Variants in THADA observed in about 807,000 individuals in gnomAD.
The protein encoded by THADA is tRNA (32-2'-O)-methyltransferase regulator THADA.
Under a neutral mutation model 219.8 loss-of-function variants are expected in THADA, and 213 were observed. That is an observed-to-expected ratio of 0.97 (90% CI 0.87 to 1.09). The LOEUF is 1.09. Among genes scored for constraint, THADA ranks in the 50% least tolerant of loss-of-function variants. The pLI is 0.00. For missense variants in THADA, 2,956 were observed against 2,311.3 expected (o/e 1.28, Z -5.72); for synonymous variants, 1,018 against 828.9 (o/e 1.23, Z -3.92).
chr2:43,390,953 A>G lies in THADA; in HGVS notation c.4227+7018T>C, dbSNP rs151197021. ...CTCATCCAGAGAAGCAGTATACTAC[A>G]GTGGCTAACTGCACAAGCTCAAAAG... is the stretch of plus-strand genomic sequence containing the variant. On this transcript the variant is annotated intron_variant, in intron 29 of 37. Coordinates refer to ENST00000405975, the MANE Select transcript of THADA (RefSeq NM_022065.5). 4.1e-3 allele frequency among the ~76,000 whole-genome samples: 629 copies of G among 152,350 alleles called. 6 individuals carry two copies. The highest frequency in any genetic ancestry group is 6.7e-3 in the Non-Finnish European group (453 of 68,034).
At chr2:43,592,078 T>G (rs770641783) in intron 2 of THADA, 32 bp from the exon 3 acceptor site, 46 of 1,490,250 alleles carry the variant, frequency 3.1e-5, no homozygotes, top group African/African-American at 1.4e-5. Flanking sequence ...AAATTTTCAA[T>G]GATTTAACAG....
At chr2:43,533,424 A>G (rs535031208) in intron 21 of THADA, among the ~76,000 whole-genome samples, 5 of 152,108 alleles carry the variant, frequency 3.3e-5, no homozygotes, top group Non-Finnish European at 7.4e-5. Context: ...ATTCTACTAT[A>G]AAGACACATG....
chr2:43,431,318 A>T (rs1326339729), intron 26 of THADA, among the ~76,000 whole-genome samples: 3 of 152,078 alleles, frequency 2.0e-5, no homozygotes, highest in African/African-American at 7.2e-5. Context: ...CCCTATCAAG[A>T]CTCAGAAAAT....
intron 35 of THADA, among the ~76,000 whole-genome samples, chr2:43,285,516 A>T (rs1572911512): frequency 6.6e-6 from 1 of 151,374 alleles, no homozygotes; most frequent in African/African-American, 2.4e-5. Flanking sequence ...AGACTATGGA[A>T]CTGTGAGTCA....
intron 29 of THADA, among the ~76,000 whole-genome samples, chr2:43,351,523 CTGT>C (rs1390239596): frequency 6.6e-6 from 1 of 152,228 alleles, no homozygotes. Flanking sequence ...CTAAAACTCA[CTGT>C]TTTTCTCTTC....
chr2:43,308,767 A>C lies in THADA; in HGVS notation c.4438+11679T>G, dbSNP rs1238620861. Among the ~76,000 whole-genome samples the C allele has an allele frequency of 8.7e-5, 13 of 149,432 alleles. No homozygotes were observed. The South Asian group carries it at 1.3e-3, about 15-fold the overall frequency. On this transcript the variant is annotated intron_variant, in intron 31 of 37. Transcript: ENST00000405975. ...CATTGGATACCCATACCAAAAAAAA[A>C]AAAAAAAAAAAAAAAAAGAATGCCA...
chr2:43,424,924 C>T (rs901933935), intron 28 of THADA, among the ~76,000 whole-genome samples: 1 of 152,158 alleles, frequency 6.6e-6, no homozygotes, highest in Admixed American at 6.5e-5. Flanking sequence ...AGGAACAGAT[C>T]CCACCATTGG....
chr2:43,286,281 C>T (rs1028784722), intron 35 of THADA, among the ~76,000 whole-genome samples: 1 of 152,106 alleles, frequency 6.6e-6, no homozygotes, highest in Non-Finnish European at 1.5e-5. Context: ...AAAGGAAGGG[C>T]CTTATGAGCC....
At chr2:43,558,228 T>C (rs1457502238) in intron 16 of THADA, among the ~76,000 whole-genome samples, 3 of 152,062 alleles carry the variant, frequency 2.0e-5, no homozygotes, top group Non-Finnish European at 4.4e-5. Flanking sequence ...ATGAGAAAAA[T>C]ATGCCGTCAA....
intron 27 of THADA, 140 bp downstream of exon 27, chr2:43,430,073 C>G: frequency 2.1e-6 from 1 of 467,400 alleles, no homozygotes; most frequent in Non-Finnish European, 3.7e-6. Flanking sequence ...CAGGGAAAGA[C>G]CCTGTCTCAA....
intron 17 of THADA, 89 bp from the exon 18 acceptor site, chr2:43,552,428 C>A: frequency 7.4e-7 from 1 of 1,358,954 alleles, no homozygotes; most frequent in Non-Finnish European, 9.9e-7. Flanking sequence ...ATTAATATGG[C>A]CAACTCAAAT....
chr2:43,273,177 A>T (rs1672322872), intron 36 of THADA, among the ~76,000 whole-genome samples: 1 of 151,400 alleles, frequency 6.6e-6, no homozygotes, highest in South Asian at 2.1e-4. Context: ...TGAACCCGGG[A>T]GGCGGAGGTT....
chr2:43,309,136 A>C (rs1435602743), intron 31 of THADA, among the ~76,000 whole-genome samples: 2 of 152,252 alleles, frequency 1.3e-5, no homozygotes, highest in African/African-American at 4.8e-5. Flanking sequence ...ACTCGAATTT[A>C]AAAAGCAATG....
Position 43,552,269 on chromosome 2 carries a change from T to G in THADA, c.2745A>C (p.Ala915=), listed in dbSNP as rs1001158370. The stretch of plus-strand genomic sequence containing the variant: ...CTCGCCCATACATTGGAAATGCTGC[T>G]GCTGCCTGAAGCAGAGAATTTTCAG... ...SQAENSLLQA[A]AAFPMYGRVH... Residue 915 remains alanine (A), a synonymous_variant, in exon 18 of 38, where the codon GCA becomes GCC. Transcript: ENST00000405975. 1.6e-5 allele frequency: 26 copies of G among 1,611,752 alleles called. No homozygotes were observed. The highest frequency in any genetic ancestry group is 2.1e-5 in the Non-Finnish European group (25 of 1,179,314).
chr2:43,418,224 G>C (rs1677249488), intron 28 of THADA, among the ~76,000 whole-genome samples: 1 of 152,108 alleles, frequency 6.6e-6, no homozygotes, highest in Admixed American at 6.5e-5. Flanking sequence ...TACTCTCTCT[G>C]GGCCTTGGCT....
chr2:43,545,728 A>G (rs1695940013), intron 20 of THADA, among the ~76,000 whole-genome samples: 1 of 151,512 alleles, frequency 6.6e-6, no homozygotes, highest in Admixed American at 6.6e-5. Context: ...TATCCCCTTT[A>G]TCATTTTTTA....
rs913100023 is a variant in THADA at position 43,541,093 on chromosome 2, A to C, written c.3264+66T>G. Reference sequence around the variant, plus strand: ...TTAAACCTTTTTTTAGAGTTGGGTTATAAAAAAAAAAGTGATTTATGCGTT... The same window carrying C: ...TTAAACCTTTTTTTAGAGTTGGGTTCTAAAAAAAAAAGTGATTTATGCGTT... On this transcript the variant is annotated intron_variant, in intron 21 of 37. Coordinates refer to ENST00000405975, the MANE Select transcript of THADA (RefSeq NM_022065.5). 5.0e-6 allele frequency: 7 copies of C among 1,390,064 alleles called. No homozygotes were observed. The South Asian group carries it at 1.2e-4, about 24-fold the overall frequency. The allele number at this position is 1,390,064 out of a possible 1,614,324, so 86.1% of individuals were successfully genotyped here. A position where few individuals can be genotyped will look rare whatever the true frequency, so the allele number is the denominator to read the frequency against.
rs1559008197 is a variant in THADA at position 43,576,896 on chromosome 2, C to T, written c.1037+126G>A. The T allele has an allele frequency of 2.1e-5, 17 of 792,952 alleles. No homozygotes were observed. The South Asian group carries it at 2.7e-4, about 13-fold the overall frequency. The allele number at this position is 792,952 out of a possible 1,614,324, so 49.1% of individuals were successfully genotyped here. ...TTTTGAACTCCTGGCCTCAAGTGAT[C>T]CTCTTGCCTCAGCCTACTGGGAGGG... is the stretch of plus-strand genomic sequence containing the variant. On this transcript the variant is annotated intron_variant, in intron 10 of 37. Transcript: ENST00000405975.
At chr2:43,284,291 A>C (rs980401626) in intron 35 of THADA, among the ~76,000 whole-genome samples, 2 of 152,214 alleles carry the variant, frequency 1.3e-5, no homozygotes, top group Non-Finnish European at 2.9e-5. Context: ...GAGGCCTAGG[A>C]AGAAAAAATG....
Sources: gnomAD v4.1 joint callset for allele counts (sites outside exome capture counted in the v4.1 genomes callset) on GRCh38, gnomAD v4.1.1 for gene constraint, MANE v1.5 for transcripts, NCBI Gene and HGNC (gene_info 2026-07-23, HGNC 2026-07-21) for gene names.